RBFOX1: variants seen among roughly 807,000 people sequenced by gnomAD.
RBFOX1 encodes the protein RNA binding fox-1 homolog 1.
A neutral mutation model predicts 57.7 loss-of-function variants in RBFOX1; 8 were observed. The ratio of observed to expected loss-of-function variants is 0.14; its 90% CI spans 0.08 to 0.25. The LOEUF is 0.25. Ranked by LOEUF, RBFOX1 falls within the 10% of genes least tolerant of loss-of-function variation. The pLI, the probability that RBFOX1 is intolerant of heterozygous loss-of-function variation, is 1.00. For missense variants in RBFOX1, 611 were observed against 548.5 expected (o/e 1.11, Z -1.14); for synonymous variants, 326 against 222.4 (o/e 1.47, Z -4.15).
intron 3 of RBFOX1, among the ~76,000 whole-genome samples, chr16:5,828,690 A>G (rs977350231): frequency 8.2e-5 from 12 of 146,888 alleles, no homozygotes; most frequent in Non-Finnish European, 1.5e-4. Context: ...CGAGACTCCA[A>G]AAAAGAAAAG....
chr16:7,349,898 A>G (rs977282832), intron 4 of RBFOX1, among the ~76,000 whole-genome samples: 6 of 152,092 alleles, frequency 3.9e-5, no homozygotes, highest in East Asian at 1.9e-4. Context: ...TGTAATCCCA[A>G]CACTTTGGGA....
At chr16:5,698,982 G>A (rs1195645675) in intron 3 of RBFOX1, among the ~76,000 whole-genome samples, 1 of 105,176 alleles carries the variant, frequency 9.5e-6, no homozygotes. Context: ...CACCTGGTTG[G>A]ATTTTTTTTT....
intron 2 of RBFOX1, among the ~76,000 whole-genome samples, chr16:6,354,460 A>G (rs977689161): frequency 3.3e-5 from 5 of 152,168 alleles, no homozygotes; most frequent in African/African-American, 1.2e-4. Context: ...CCAGTGTTCC[A>G]AAACGCTGTC....
rs772489594 is a variant in RBFOX1, at chr16:6,617,401, T to C, written c.-63-37202T>C. Among the ~76,000 whole-genome samples, 11 of 151,980 alleles carry C rather than the reference T, an allele frequency of 7.2e-5. 1 individual carries two copies. The highest frequency in any genetic ancestry group is 5.9e-4 in the Admixed American group (9 of 15,256). On this transcript the variant is annotated intron_variant, in intron 2 of 15. Coordinates refer to ENST00000550418, the MANE Select transcript of RBFOX1 (RefSeq NM_018723.4). Reference sequence around the variant, plus strand: ...GGCATGGATGTCCAGCTAGGAATTATGACACTCATGCAGAGGGACATGAGG... The same window carrying C: ...GGCATGGATGTCCAGCTAGGAATTACGACACTCATGCAGAGGGACATGAGG...
chr16:5,821,926 C>T (rs1597383005), intron 3 of RBFOX1, among the ~76,000 whole-genome samples: 1 of 152,204 alleles, frequency 6.6e-6, no homozygotes, highest in South Asian at 2.1e-4. Flanking sequence ...CTAAAGACCC[C>T]ACTTACTAAT....
intron 3 of RBFOX1, among the ~76,000 whole-genome samples, chr16:5,818,807 T>G (rs1430704894): frequency 6.6e-6 from 1 of 152,152 alleles, no homozygotes; most frequent in Non-Finnish European, 1.5e-5. Flanking sequence ...GTCCATTATG[T>G]TCTATGCATA....
intron 14 of RBFOX1, among the ~76,000 whole-genome samples, chr16:7,704,061 A>G (rs956775721): frequency 6.6e-6 from 1 of 152,222 alleles, no homozygotes; most frequent in Non-Finnish European, 1.5e-5. Flanking sequence ...GGGCTCAGTC[A>G]GAAAACTACT....
chr16:6,691,324 A>T (rs1198974226), intron 3 of RBFOX1, among the ~76,000 whole-genome samples: 2 of 152,156 alleles, frequency 1.3e-5, no homozygotes, highest in African/African-American at 2.4e-5. Context: ...CGTAATAAAC[A>T]TAACTGTTTC....
intron 2 of RBFOX1, among the ~76,000 whole-genome samples, chr16:5,583,968 G>A (rs960218386): frequency 6.6e-6 from 1 of 152,168 alleles, no homozygotes. Flanking sequence ...GGAGCTCAAG[G>A]CTGTGCCAGC....
At chr16:5,887,831 C>G (rs1019662323) in intron 4 of RBFOX1, among the ~76,000 whole-genome samples, 11 of 152,136 alleles carry the variant, frequency 7.2e-5, no homozygotes, top group African/African-American at 2.7e-4. Context: ...TCTTTGTGCT[C>G]TTTTTAGGAG....
intron 3 of RBFOX1, among the ~76,000 whole-genome samples, chr16:6,733,235 C>G (rs558845446): frequency 6.6e-6 from 1 of 152,272 alleles, no homozygotes; most frequent in South Asian, 2.1e-4. Flanking sequence ...AGAGCCCTGG[C>G]AAACTCCCTT....
At chr16:7,387,098 A>G (rs1403761815) in intron 4 of RBFOX1, among the ~76,000 whole-genome samples, 13 of 151,976 alleles carry the variant, frequency 8.6e-5, no homozygotes, top group Admixed American at 8.5e-4. Context: ...AAATTTGTTT[A>G]ATGTATTTGT....
intron 4 of RBFOX1, among the ~76,000 whole-genome samples, chr16:5,995,461 TAGAG>T (rs879356788): frequency 1.3e-5 from 2 of 152,076 alleles, no homozygotes; most frequent in African/African-American, 2.4e-5. Flanking sequence ...AAGAGGAATT[TAGAG>T]AGAGAGGGAG....
intron 4 of RBFOX1, among the ~76,000 whole-genome samples, chr16:7,298,073 C>G (rs1174196438): frequency 6.6e-6 from 1 of 152,058 alleles, no homozygotes; most frequent in East Asian, 1.9e-4. Flanking sequence ...CCTGAAACTT[C>G]TTAGAGAATT....
chr16:6,194,459 A>G (rs1022968501), intron 1 of RBFOX1, among the ~76,000 whole-genome samples: 8 of 152,126 alleles, frequency 5.3e-5, no homozygotes, highest in Non-Finnish European at 1.0e-4. Context: ...GCTCTCAGGA[A>G]CACTCCTTGT....
intron 4 of RBFOX1, among the ~76,000 whole-genome samples, chr16:5,962,694 A>C (rs1009710906): frequency 6.6e-6 from 1 of 152,164 alleles, no homozygotes; most frequent in Non-Finnish European, 1.5e-5. Context: ...TATTATTATC[A>C]TTAAGAGTAA....
intron 3 of RBFOX1, among the ~76,000 whole-genome samples, chr16:6,916,270 A>G (rs1251825094): frequency 6.6e-6 from 1 of 152,156 alleles, no homozygotes; most frequent in Non-Finnish European, 1.5e-5. Context: ...AGATGGAGTC[A>G]CTGTTGTTTC....
chr16:7,001,472 T>G (rs529431935), intron 3 of RBFOX1, among the ~76,000 whole-genome samples: 3 of 148,192 alleles, frequency 2.0e-5, no homozygotes, highest in African/African-American at 7.6e-5. Context: ...GTATGTATAT[T>G]TTGAGATGGA....
At chr16:7,030,607 G>A (rs2042544240) in intron 3 of RBFOX1, among the ~76,000 whole-genome samples, 1 of 152,016 alleles carries the variant, frequency 6.6e-6, no homozygotes, top group South Asian at 2.1e-4. Flanking sequence ...TTTCGTATGT[G>A]GACACTCCCT....
Sources: gnomAD v4.1 joint callset for allele counts (sites outside exome capture counted in the v4.1 genomes callset) on GRCh38, gnomAD v4.1.1 for gene constraint, MANE v1.5 for transcripts, NCBI Gene and HGNC (gene_info 2026-07-23, HGNC 2026-07-21) for gene names.